The following FER variants were observed in gnomAD, a reference collection of about 807,000 sequenced individuals.
FER encodes the protein tyrosine-protein kinase Fer.
A neutral mutation model predicts 111.0 loss-of-function variants in FER; 63 were observed. The ratio of observed to expected loss-of-function variants is 0.57; its 90% CI spans 0.46 to 0.70. The LOEUF (loss-of-function observed/expected upper bound fraction) is 0.70. Among genes scored for constraint, FER ranks in the 30% least tolerant of loss-of-function variants. The pLI is 0.00. For missense variants in FER, 914 were observed against 954.0 expected (o/e 0.96, Z 0.55); for synonymous variants, 327 against 313.9 (o/e 1.04, Z -0.44).
intron 13 of FER, chr5:109,014,941 T>G (rs1023146553): frequency 1.3e-5 from 2 of 152,214 alleles, no homozygotes; most frequent in African/African-American, 4.8e-5. Flanking sequence ...AAGCGAGCAC[T>G]ATGTTTGCTT....
At chr5:108,940,484 G>T (rs1353248736) in intron 10 of FER, among the ~76,000 whole-genome samples, 1 of 151,994 alleles carries the variant, frequency 6.6e-6, no homozygotes, top group African/African-American at 2.4e-5. Flanking sequence ...GACAGCTAAG[G>T]ACAGAAGTAA....
rs1481735044 is a variant in FER, at chr5:108,790,185, T to A, written c.-59-7939T>A. On this transcript the variant is annotated intron_variant, in intron 2 of 19. Transcript: ENST00000281092. ...CCACTGCACTCCAGCCTGGACAACA[T>A]AGGGAGATCCCATCTTAAAAAACTG... Among the ~76,000 whole-genome samples the A allele has an allele frequency of 2.0e-5, 3 of 150,606 alleles. 1 individual carries two copies. Among genetic ancestry groups the A allele is most frequent in the African/African-American group, 4.9e-5 (2 of 40,762 alleles).
At chr5:109,142,642 A>G (rs1753652667) in intron 17 of FER, among the ~76,000 whole-genome samples, 1 of 152,170 alleles carries the variant, frequency 6.6e-6, no homozygotes, top group Non-Finnish European at 1.5e-5. Context: ...CATATACAGT[A>G]TATGGTATGG....
At chr5:109,050,242 A>G (rs1772589457) in intron 16 of FER, among the ~76,000 whole-genome samples, 1 of 152,230 alleles carries the variant, frequency 6.6e-6, no homozygotes, top group Non-Finnish European at 1.5e-5. Flanking sequence ...CAAAACTAGT[A>G]TCCGTAATAG....
At position 108,819,227 on chromosome 5, in the gene FER, T is replaced by C. The variant is rs1012242901; in HGVS notation, c.208-13543T>C. Among the ~76,000 whole-genome samples the C allele has an allele frequency of 2.6e-5, 4 of 151,592 alleles. No homozygotes were observed. The South Asian group carries it at 6.3e-4, about 24-fold the overall frequency. On this transcript the variant is annotated intron_variant, in intron 3 of 19. Coordinates refer to ENST00000281092, the MANE Select transcript of FER (RefSeq NM_005246.4). ...TTTTAGAGCTGGGATCTGACTCTTT[T>C]GCCCACGCTCGTCTTGAACTTTTGG...
At chr5:109,072,743 CTA>C (rs1209589218) in intron 16 of FER, among the ~76,000 whole-genome samples, 1 of 152,000 alleles carries the variant, frequency 6.6e-6, no homozygotes, top group African/African-American at 2.4e-5. Context: ...ATATCACAAA[CTA>C]TGTGATTTAA....
In FER at chr5:108,879,699, A is replaced by ATATATATATATATATATATAT. The variant is rs1165401708; in HGVS notation, c.924-3697_924-3696insTATATATATATATATATATAT. On this transcript the variant is annotated intron_variant, in intron 8 of 19. Coordinates refer to ENST00000281092, the MANE Select transcript of FER (RefSeq NM_005246.4). ...ATATGTATTTTTTTTAGATTAAAAA[A>ATATATATATATATATATATAT]AAATATATATATATATATATATATA... is the stretch of plus-strand genomic sequence containing the variant. 7.5e-3 allele frequency among the ~76,000 whole-genome samples: 694 copies of ATATATATATATATATATATAT among 92,886 alleles called. 13 individuals are homozygous for ATATATATATATATATATATAT. Among genetic ancestry groups the ATATATATATATATATATATAT allele is most frequent in the Non-Finnish European group, 0.01 (501 of 48,222 alleles). The allele number at this position is 92,886 out of a possible 152,430, so 60.9% of individuals were successfully genotyped here. A position where few individuals can be genotyped will look rare whatever the true frequency, so the allele number is the denominator to read the frequency against.
At chr5:108,833,535 C>G (rs1382965129) in intron 4 of FER, among the ~76,000 whole-genome samples, 1 of 150,422 alleles carries the variant, frequency 6.6e-6, no homozygotes, top group African/African-American at 2.5e-5. Context: ...TCATTTTATC[C>G]ATAAATATTT....
intron 13 of FER, among the ~76,000 whole-genome samples, chr5:109,022,196 CT>C (rs1262001966): frequency 6.6e-6 from 1 of 152,046 alleles, no homozygotes; most frequent in Non-Finnish European, 1.5e-5. Flanking sequence ...CCTGAGCCCA[CT>C]TCCATGCCCT....
chr5:108,790,184 A>G (rs1755191095), intron 2 of FER, among the ~76,000 whole-genome samples: 1 of 152,022 alleles, frequency 6.6e-6, no homozygotes, highest in South Asian at 2.1e-4. Flanking sequence ...CCTGGACAAC[A>G]TAGGGAGATC....
intron 9 of FER, among the ~76,000 whole-genome samples, chr5:108,896,176 G>C (rs890192308): frequency 1.1e-4 from 17 of 148,020 alleles, no homozygotes; most frequent in Non-Finnish European, 2.1e-4. Flanking sequence ...TTTTTTTCTT[G>C]GTAGCTAGGA....
intron 10 of FER, among the ~76,000 whole-genome samples, chr5:108,913,209 CAG>C (rs764607805): frequency 2.3e-4 from 35 of 152,278 alleles, no homozygotes; most frequent in Non-Finnish European, 4.6e-4. Context: ...CTGCTTAACA[CAG>C]TACCTGGCAA....
At chr5:109,029,425 C>CTTTTTT (rs757282669) in intron 13 of FER, among the ~76,000 whole-genome samples, 350 of 52,042 alleles carry the variant, frequency 6.7e-3, no homozygotes, top group Non-Finnish European at 8.1e-3. Flanking sequence ...ATTCATTGTT[C>CTTTTTT]TTTTTTTTTT....
At chr5:109,001,844 A>T (rs954831683) in intron 13 of FER, among the ~76,000 whole-genome samples, 1 of 151,632 alleles carries the variant, frequency 6.6e-6, no homozygotes, top group Non-Finnish European at 1.5e-5. Flanking sequence ...CCAATAACAG[A>T]CAAACAGAGA....
At chr5:108,800,784 C>T (rs927706322) in intron 3 of FER, among the ~76,000 whole-genome samples, 6 of 151,936 alleles carry the variant, frequency 3.9e-5, no homozygotes, top group East Asian at 1.9e-4. Context: ...TGGTGGCTCA[C>T]GCCTGTAATC....
chr5:108,906,583 C>G (rs557530013), intron 10 of FER, among the ~76,000 whole-genome samples: 1 of 151,920 alleles, frequency 6.6e-6, no homozygotes, highest in Admixed American at 6.6e-5. Flanking sequence ...TATTAGAAGT[C>G]TGCTTTTTTC....
chr5:108,819,427 A>T (rs1397827876), intron 3 of FER, among the ~76,000 whole-genome samples: 1 of 152,146 alleles, frequency 6.6e-6, no homozygotes, highest in African/African-American at 2.4e-5. Flanking sequence ...CACATTAAGA[A>T]TTAGTTTTGT....
chr5:108,860,607 A>T (rs1305518658), intron 5 of FER, among the ~76,000 whole-genome samples: 3 of 152,200 alleles, frequency 2.0e-5, no homozygotes. Flanking sequence ...TGTGAAAAAA[A>T]CATGTGTATA....
At chr5:108,783,487 G>A (rs1463042163) in intron 2 of FER, among the ~76,000 whole-genome samples, 1 of 152,078 alleles carries the variant, frequency 6.6e-6, no homozygotes, top group African/African-American at 2.4e-5. Context: ...TTCAAGTTAT[G>A]ATTTTTCTTG....
Sources: allele counts gnomAD v4.1 joint callset (sites outside exome capture counted in the v4.1 genomes callset), GRCh38; gene constraint gnomAD v4.1.1; transcripts MANE v1.5; gene names NCBI Gene and HGNC (gene_info 2026-07-23, HGNC 2026-07-21).